The following PDE1C variants were observed in gnomAD, a reference collection of about 807,000 sequenced individuals.
The protein encoded by PDE1C is phosphodiesterase 1C.
PDE1C carries 62 observed loss-of-function variants against 93.1 expected under a neutral mutation model. The observed-to-expected ratio is 0.67, with a 90% CI of 0.54 to 0.82. PDE1C has a LOEUF of 0.82. Ranked by LOEUF, PDE1C falls within the 40% of genes least tolerant of loss-of-function variation. The pLI is 0.00. For missense variants in PDE1C, 742 were observed against 884.6 expected (o/e 0.84, Z 2.04); for synonymous variants, 325 against 310.1 (o/e 1.05, Z -0.50).
rs371540864 is a variant in PDE1C, at chr7:32,083,715, T to G, written c.308+86070A>C. Among the ~76,000 whole-genome samples, 827 of 151,868 alleles carry G rather than the reference T, an allele frequency of 5.4e-3. 10 individuals are homozygous for G. Among genetic ancestry groups the G allele is most frequent in the African/African-American group, 0.018 (756 of 41,424 alleles). ...CAATATTCAACATTCTTAAAGAAAA[T>G]AATTTTCAACCCAGAATTTCATATC... On this transcript the variant is annotated intron_variant, in intron 3 of 18. Coordinates refer to the PDE1C transcript ENST00000396193.
intron 2 of PDE1C, among the ~76,000 whole-genome samples, chr7:32,045,486 T>C (rs1016554996): frequency 1.3e-5 from 2 of 152,214 alleles, no homozygotes; most frequent in African/African-American, 4.8e-5. Flanking sequence ...ATTTATCTCT[T>C]GGAAGATCCT....
rs891296830 is a variant in PDE1C, at chr7:32,220,661, T to TA, written c.86-11123dup. On this transcript the variant is annotated intron_variant, in intron 1 of 18. Coordinates refer to the PDE1C transcript ENST00000396193. The stretch of plus-strand genomic sequence containing the variant: ...AAACCCCGCCTCTACTAAAAAAATA[T>TA]AAAAAAAATAGCTGGGCATGGTGGC... Among the ~76,000 whole-genome samples, 15 of 151,490 alleles carry TA rather than the reference T, an allele frequency of 9.9e-5. No homozygotes were observed. The East Asian group carries it at 1.8e-3, about 18-fold the overall frequency.
chr7:32,099,782 G>A (rs764458895), intron 3 of PDE1C, among the ~76,000 whole-genome samples: 14 of 152,140 alleles, frequency 9.2e-5, no homozygotes, highest in South Asian at 2.1e-4. Context: ...CTTTCCATGG[G>A]CCAGAGGCCC....
At chr7:32,239,097 T>A (rs1808356170) in intron 1 of PDE1C, among the ~76,000 whole-genome samples, 1 of 152,142 alleles carries the variant, frequency 6.6e-6, no homozygotes, top group Non-Finnish European at 1.5e-5. Context: ...CAAAACCCTA[T>A]CTTCACAAAA....
At chr7:32,368,697 C>T (rs1295718151) in intron 1 of PDE1C, among the ~76,000 whole-genome samples, 2 of 152,046 alleles carry the variant, frequency 1.3e-5, no homozygotes, top group African/African-American at 2.4e-5. Context: ...ATAGCCAAAG[C>T]AATCCTAAGC....
intron 1 of PDE1C, among the ~76,000 whole-genome samples, chr7:32,236,708 T>G (rs2128866284): frequency 6.6e-6 from 1 of 152,330 alleles, no homozygotes; most frequent in East Asian, 1.9e-4. Flanking sequence ...ACTCCTGCTA[T>G]TAAGAATGCA....
chr7:32,151,793 A>G (rs1801275183), intron 3 of PDE1C, among the ~76,000 whole-genome samples: 1 of 152,200 alleles, frequency 6.6e-6, no homozygotes, highest in African/African-American at 2.4e-5. Flanking sequence ...ACAACAGAGA[A>G]CGAAGAAATT....
chr7:32,203,621 A>G lies in PDE1C; in HGVS notation c.136+5868T>C, dbSNP rs1486835505. 4.6e-5 allele frequency among the ~76,000 whole-genome samples: 7 copies of G among 152,162 alleles called. No homozygotes were observed. In the East Asian group the frequency reaches 1.4e-3, roughly 29 times the overall value. On this transcript the variant is annotated intron_variant, in intron 2 of 18. Transcript: ENST00000396193. ...ATTCTTAATTAATCTCTATTTTCTT[A>G]TTGCTTTTGATACCGCTATAGTAGT...
chr7:32,071,277 G>A, upstream of PDE1C: 2 of 985,448 alleles, frequency 2.0e-6, no homozygotes, highest in Non-Finnish European at 2.4e-6. Context: ...GCCAGGGCAC[G>A]CAGAAGCCGC....
intron 1 of PDE1C, among the ~76,000 whole-genome samples, chr7:32,409,448 TCACA>T (rs970481413): frequency 6.6e-6 from 1 of 152,032 alleles, no homozygotes; most frequent in Non-Finnish European, 1.5e-5. Context: ...TATAAATATT[TCACA>T]CACAGTAAAA....
At chr7:31,699,219 T>C in the PDE1C span, among the ~76,000 whole-genome samples, 1 of 152,176 alleles carries the variant, frequency 6.6e-6, no homozygotes, top group South Asian at 2.1e-4. Flanking sequence ...CAGGATCTGT[T>C]GGCCCTCAGT....
At chr7:32,120,044 C>T (rs1799208093) in intron 3 of PDE1C, among the ~76,000 whole-genome samples, 1 of 152,182 alleles carries the variant, frequency 6.6e-6, no homozygotes, top group Non-Finnish European at 1.5e-5. Flanking sequence ...TCACGCTTTT[C>T]CCCTGCTAGA....
intron 3 of PDE1C, among the ~76,000 whole-genome samples, chr7:32,116,392 G>T (rs551382285): frequency 3.3e-5 from 5 of 151,922 alleles, no homozygotes; most frequent in Non-Finnish European, 7.4e-5. Context: ...TGCTATTCTC[G>T]GGGGAATAGG....
upstream of PDE1C, among the ~76,000 whole-genome samples, chr7:32,074,774 CAG>C (rs1483371944): frequency 6.6e-6 from 1 of 152,090 alleles, no homozygotes; most frequent in African/African-American, 2.4e-5. Context: ...CAGGTGATTC[CAG>C]AGAGAGGGCA....
intron 1 of PDE1C, among the ~76,000 whole-genome samples, chr7:32,416,436 A>G (rs983546768): frequency 7.9e-5 from 12 of 152,040 alleles, no homozygotes; most frequent in Non-Finnish European, 1.8e-4. Context: ...CCAAGAGGCC[A>G]CTCCCTACTG....
intron 2 of PDE1C, among the ~76,000 whole-genome samples, chr7:31,956,635 T>C (rs1253292460): frequency 6.6e-6 from 1 of 150,654 alleles, no homozygotes; most frequent in Non-Finnish European, 1.5e-5. Context: ...ATTATCCATG[T>C]CTCCTGCAGC....
chr7:31,746,453 C>A (rs890076702), downstream of PDE1C, among the ~76,000 whole-genome samples: 7 of 152,126 alleles, frequency 4.6e-5, no homozygotes, highest in Admixed American at 3.9e-4. Flanking sequence ...AGAAGTCCAG[C>A]AAGTCATTAG....
chr7:31,835,911 A>G (rs1209145905), intron 11 of PDE1C, among the ~76,000 whole-genome samples: 2 of 152,146 alleles, frequency 1.3e-5, no homozygotes, highest in Non-Finnish European at 2.9e-5. Flanking sequence ...TAAGAGTAAG[A>G]ATTATCACAA....
At chr7:31,792,271 A>G (rs1784669236) in intron 16 of PDE1C, among the ~76,000 whole-genome samples, 1 of 152,146 alleles carries the variant, frequency 6.6e-6, no homozygotes, top group Admixed American at 6.6e-5. Flanking sequence ...CTTTGAGAAC[A>G]GGGAAAACAC....
Sources: gnomAD v4.1 joint callset for allele counts (sites outside exome capture counted in the v4.1 genomes callset) on GRCh38, gnomAD v4.1.1 for gene constraint, MANE v1.5 for transcripts, NCBI Gene and HGNC (gene_info 2026-07-23, HGNC 2026-07-21) for gene names.